GPC6: variants seen among roughly 807,000 people sequenced by gnomAD.
GPC6 encodes the protein glypican-6.
A neutral mutation model predicts 55.2 loss-of-function variants in GPC6; 14 were observed. That is an observed-to-expected ratio of 0.25 (90% confidence interval 0.17 to 0.40). GPC6 has a LOEUF of 0.40. GPC6 is among the 10% of genes least tolerant of loss of function. The pLI is 1.00. For synonymous variants in GPC6, 278 were observed against 259.6 expected (o/e 1.07, Z -0.68); for missense variants, 641 against 708.5 (o/e 0.90, Z 1.08).
At chr13:93,369,434 G>A (rs9301876) in intron 1 of GPC6, among the ~76,000 whole-genome samples, 53,167 of 151,910 alleles carry the variant, frequency 0.35, 9,884 homozygotes, top group East Asian at 0.7. Flanking sequence ...CTAAATGTTC[G>A]TGTATCAATA....
intron 2 of GPC6, among the ~76,000 whole-genome samples, chr13:93,624,500 G>T (rs1879110856): frequency 6.6e-6 from 1 of 152,130 alleles, no homozygotes; most frequent in African/African-American, 2.4e-5. Flanking sequence ...ATTGTGAATG[G>T]AAATGCAAGA....
chr13:94,291,128 G>A (rs72632650), intron 5 of GPC6, among the ~76,000 whole-genome samples: 5,245 of 152,168 alleles, frequency 0.034, 221 homozygotes, highest in East Asian at 0.18. Context: ...AGGAAGCAAA[G>A]GTTGCAGTGA....
At chr13:93,834,259 C>G (rs940560347) in intron 3 of GPC6, among the ~76,000 whole-genome samples, 6 of 152,262 alleles carry the variant, frequency 3.9e-5, no homozygotes, top group Non-Finnish European at 7.4e-5. Flanking sequence ...AAATGGTTAT[C>G]TCTTCACATC....
the GPC6 span, among the ~76,000 whole-genome samples, chr13:93,219,775 G>A: frequency 6.6e-6 from 1 of 152,006 alleles, no homozygotes; most frequent in African/African-American, 2.4e-5. Context: ...AGATAGCAAG[G>A]TTTAGTGATA....
At chr13:93,420,053 AT>A (rs923285599) in intron 1 of GPC6, among the ~76,000 whole-genome samples, 4 of 152,078 alleles carry the variant, frequency 2.6e-5, no homozygotes, top group African/African-American at 9.7e-5. Context: ...ATAGAACAAC[AT>A]TGTTTTTGCC....
intron 4 of GPC6, among the ~76,000 whole-genome samples, chr13:94,277,446 T>G (rs1892250232): frequency 6.6e-6 from 1 of 152,178 alleles, no homozygotes; most frequent in African/African-American, 2.4e-5. Context: ...TAGATCCCAT[T>G]TGTAAATTTT....
At chr13:93,761,262 G>A (rs1377208810) in intron 2 of GPC6, among the ~76,000 whole-genome samples, 2 of 152,156 alleles carry the variant, frequency 1.3e-5, no homozygotes, top group Admixed American at 6.6e-5. Context: ...TTCTTTTAGT[G>A]TGAAATATAA....
At chr13:93,531,178 G>T (rs1881851533) in intron 1 of GPC6, among the ~76,000 whole-genome samples, 1 of 151,958 alleles carries the variant, frequency 6.6e-6, no homozygotes, top group African/African-American at 2.4e-5. Flanking sequence ...TGTTCATGGA[G>T]TCCCAAGTGT....
At chr13:94,094,832 A>T (rs1885607486) in intron 4 of GPC6, among the ~76,000 whole-genome samples, 1 of 149,624 alleles carries the variant, frequency 6.7e-6, no homozygotes, top group Non-Finnish European at 1.5e-5. Flanking sequence ...AGACTCATAG[A>T]ATGCTTACTA....
At chr13:94,375,455 G>T (rs946935869) in intron 6 of GPC6, among the ~76,000 whole-genome samples, 6 of 151,908 alleles carry the variant, frequency 3.9e-5, no homozygotes, top group African/African-American at 1.4e-4. Context: ...TAGAAGAAAT[G>T]GATAAATTCC....
chr13:94,131,020 T>C lies in GPC6; in HGVS notation c.877+103126T>C, dbSNP rs59960395. ...TATTCTGAATTAATGAATTGCAAAT[T>C]GTAAGCCAATCCAACTCCTATAAAT... On this transcript the variant is annotated intron_variant, in intron 4 of 8. Coordinates refer to ENST00000377047, the MANE Select transcript of GPC6 (RefSeq NM_005708.5). Among the ~76,000 whole-genome samples, 53 of 152,262 alleles carry C rather than the reference T, an allele frequency of 3.5e-4. No individual in the cohort carries two copies. The East Asian group carries it at 9.8e-3, about 28-fold the overall frequency.
At chr13:94,222,796 A>G (rs536315738) in intron 4 of GPC6, among the ~76,000 whole-genome samples, 6 of 152,258 alleles carry the variant, frequency 3.9e-5, no homozygotes, top group Admixed American at 1.3e-4. Context: ...CTGAAGGTCC[A>G]GTTCATTCTG....
At chr13:94,133,412 C>T (rs990595481) in intron 4 of GPC6, among the ~76,000 whole-genome samples, 2 of 151,644 alleles carry the variant, frequency 1.3e-5, no homozygotes, top group Non-Finnish European at 2.9e-5. Flanking sequence ...TAAAAACTTC[C>T]CACTTAAAAA....
intron 6 of GPC6, among the ~76,000 whole-genome samples, chr13:94,313,076 G>A (rs1454986152): frequency 1.3e-5 from 2 of 151,898 alleles, no homozygotes; most frequent in African/African-American, 4.8e-5. Context: ...TTCAAAGCAG[G>A]GAGAAAATAA....
intron 3 of GPC6, among the ~76,000 whole-genome samples, chr13:93,859,646 T>C (rs74108901): frequency 0.039 from 5,963 of 151,526 alleles, 293 homozygotes; most frequent in East Asian, 0.17. Flanking sequence ...TTTCCCTTTG[T>C]ACATATCTTT....
chr13:93,568,486 A>G (rs1876246821), intron 2 of GPC6, among the ~76,000 whole-genome samples: 2 of 152,186 alleles, frequency 1.3e-5, no homozygotes, highest in African/African-American at 4.8e-5. Context: ...GCTGAGGTAG[A>G]AGGGAAGAGA....
intron 3 of GPC6, among the ~76,000 whole-genome samples, chr13:93,921,538 C>G (rs1243895040): frequency 6.6e-6 from 1 of 151,894 alleles, no homozygotes; most frequent in East Asian, 2.0e-4. Flanking sequence ...ATGATCTTCC[C>G]CTGGATTTCA....
At chr13:93,860,334 ATTAAATAC>A (rs1888769793) in intron 3 of GPC6, among the ~76,000 whole-genome samples, 2 of 151,690 alleles carry the variant, frequency 1.3e-5, no homozygotes, top group Admixed American at 1.3e-4. Context: ...CACAGTAGAC[ATTAAATAC>A]TTTCATGCAT....
At chr13:94,095,234 T>TA (rs1885617999) in intron 4 of GPC6, among the ~76,000 whole-genome samples, 1 of 152,090 alleles carries the variant, frequency 6.6e-6, no homozygotes, top group African/African-American at 2.4e-5. Context: ...TTTGCTAACA[T>TA]ATGCTATATA....
Sources: allele counts gnomAD v4.1 joint callset (sites outside exome capture counted in the v4.1 genomes callset), GRCh38; gene constraint gnomAD v4.1.1; transcripts MANE v1.5; gene names NCBI Gene and HGNC (gene_info 2026-07-23, HGNC 2026-07-21).